The following LUZP2 variants were observed in gnomAD, a reference collection of about 807,000 sequenced individuals.
LUZP2 encodes leucine zipper protein 2.
In LUZP2, 52 loss-of-function variants were observed where a neutral mutation model predicts 51.6. The observed-to-expected ratio is 1.01, with a 90% confidence interval of 0.81 to 1.27. LUZP2 has a LOEUF of 1.27. Ranked by LOEUF, LUZP2 falls within the 50% of genes most tolerant of loss-of-function variation. The pLI, the probability that LUZP2 is intolerant of heterozygous loss-of-function variation, is 0.00. For missense variants in LUZP2, 436 were observed against 395.4 expected (o/e 1.10, Z -0.87); for synonymous variants, 154 against 137.3 (o/e 1.12, Z -0.85).
At chr11:24,546,960 TTGTTGGTGGTG>T (rs1851567177) in intron 1 of LUZP2, among the ~76,000 whole-genome samples, 2 of 61,950 alleles carry the variant, frequency 3.2e-5, no homozygotes, top group Non-Finnish European at 6.5e-5. Flanking sequence ...GTTGTTGTTG[TTGTTGGTGGTG>T]GTGGTGGTGG....
chr11:24,993,814 C>T (rs1459207024), intron 9 of LUZP2, among the ~76,000 whole-genome samples: 1 of 151,124 alleles, frequency 6.6e-6, no homozygotes, highest in Admixed American at 6.6e-5. Context: ...ACAGAAGACA[C>T]AAGTTTTTAA....
intron 6 of LUZP2, among the ~76,000 whole-genome samples, chr11:24,906,999 A>G (rs1393912505): frequency 6.6e-6 from 1 of 152,214 alleles, no homozygotes; most frequent in Non-Finnish European, 1.5e-5. Flanking sequence ...TTGTCTTTAA[A>G]TTATGGCATG....
At chr11:24,989,562 T>A (rs1856276545) in intron 9 of LUZP2, among the ~76,000 whole-genome samples, 1 of 152,122 alleles carries the variant, frequency 6.6e-6, no homozygotes. Flanking sequence ...CAGTATAGCT[T>A]GCTTCCTATG....
chr11:24,571,954 A>G, intron 1 of LUZP2, among the ~76,000 whole-genome samples: 1 of 152,006 alleles, frequency 6.6e-6, no homozygotes, highest in South Asian at 2.1e-4. Flanking sequence ...TTCTCTGTGA[A>G]ATTGTGCAAG....
At chr11:25,008,587 T>C (rs2133954366) in intron 9 of LUZP2, among the ~76,000 whole-genome samples, 1 of 152,178 alleles carries the variant, frequency 6.6e-6, no homozygotes, top group South Asian at 2.1e-4. Flanking sequence ...GCTCAGCAAG[T>C]GGGAGGGAGG....
At chr11:24,808,466 A>G (rs1404502363) in intron 5 of LUZP2, among the ~76,000 whole-genome samples, 2 of 152,312 alleles carry the variant, frequency 1.3e-5, no homozygotes, top group African/African-American at 2.4e-5. Context: ...TTCTCTGCCA[A>G]TCTGTAGAAT....
chr11:24,741,992 AATGTATATATT>A (rs1859189793), intron 4 of LUZP2, among the ~76,000 whole-genome samples: 3 of 114,004 alleles, frequency 2.6e-5, no homozygotes, highest in African/African-American at 9.7e-5. Flanking sequence ...ATTATATATA[AATGTATATATT>A]ATATATAAAT....
At chr11:24,662,384 AAAAT>A (rs1247234638) in intron 1 of LUZP2, among the ~76,000 whole-genome samples, 1 of 152,156 alleles carries the variant, frequency 6.6e-6, no homozygotes, top group African/African-American at 2.4e-5. Flanking sequence ...TATAGATTTC[AAAAT>A]AAATAGACTG....
At chr11:24,859,008 C>T (rs1486672) in intron 5 of LUZP2, among the ~76,000 whole-genome samples, 1 of 151,858 alleles carries the variant, frequency 6.6e-6, no homozygotes, top group Non-Finnish European at 1.5e-5. Context: ...ACCTCCACTC[C>T]AAGCCCACAA....
intron 5 of LUZP2, among the ~76,000 whole-genome samples, chr11:24,846,764 G>A (rs561087353): frequency 1.1e-4 from 16 of 151,928 alleles, no homozygotes; most frequent in Non-Finnish European, 1.6e-4. Flanking sequence ...ACAATAATCC[G>A]CAGTTATTTG....
rs568161975 is a variant in LUZP2, at chr11:25,053,830, TTGA to T, written c.858+3705_858+3707del. Among the ~76,000 whole-genome samples the T allele has an allele frequency of 8.5e-5, 13 of 152,288 alleles. 1 individual carries two copies. In the South Asian group the frequency reaches 2.5e-3, roughly 29 times the overall value. Reference sequence around the variant, plus strand: ...GCACCAAGATGTAGAATTGCTGGGTTTGATGATAAGTTTATGCTTATATTGAAA... The same window carrying T: ...GCACCAAGATGTAGAATTGCTGGGTTTGATAAGTTTATGCTTATATTGAAA... On this transcript the variant is annotated intron_variant, in intron 10 of 11. Transcript: ENST00000336930.
intron 5 of LUZP2, among the ~76,000 whole-genome samples, chr11:24,818,617 G>A (rs1850259760): frequency 1.3e-5 from 2 of 151,868 alleles, no homozygotes; most frequent in South Asian, 4.1e-4. Context: ...GAAAAATTAT[G>A]GGAAGTTTTA....
intron 9 of LUZP2, among the ~76,000 whole-genome samples, chr11:25,014,233 A>G (rs903328824): frequency 6.6e-6 from 1 of 152,194 alleles, no homozygotes; most frequent in Admixed American, 6.5e-5. Context: ...TCTTTATAGC[A>G]GCATGTTTTA....
chr11:24,783,788 C>G (rs1381209788), intron 5 of LUZP2, among the ~76,000 whole-genome samples: 1 of 151,912 alleles, frequency 6.6e-6, no homozygotes, highest in Non-Finnish European at 1.5e-5. Context: ...GGAAGGAGTA[C>G]TTATTTGTTC....
intron 1 of LUZP2, among the ~76,000 whole-genome samples, chr11:24,662,849 G>A (rs1027846728): frequency 6.6e-6 from 1 of 152,020 alleles, no homozygotes; most frequent in African/African-American, 2.4e-5. Context: ...TGAAGTATAT[G>A]CAGTGGCAAG....
rs540227816 is a variant in LUZP2 at position 24,801,267 on chromosome 11, G to C, written c.396+37959G>C. Among the ~76,000 whole-genome samples, 125 of 152,060 alleles carry C rather than the reference G, an allele frequency of 8.2e-4. 1 individual carries two copies. The highest frequency in any genetic ancestry group is 2.9e-3 in the African/African-American group (120 of 41,514). On this transcript the variant is annotated intron_variant, in intron 5 of 11. Transcript: ENST00000336930. Reference sequence around the variant, plus strand: ...GAGGGAATACCATCTCCCTTTTCCAGGAATCGATCTGCCTGCCTCTGCAAC... The same window carrying C: ...GAGGGAATACCATCTCCCTTTTCCACGAATCGATCTGCCTGCCTCTGCAAC...
chr11:24,600,174 AACACACACACACACAC>A (rs61439379), intron 1 of LUZP2, among the ~76,000 whole-genome samples: 2,630 of 144,270 alleles, frequency 0.018, 42 homozygotes, highest in Admixed American at 0.021. Context: ...TGTAGATTAC[AACACACACACACACAC>A]ACACACACAC....
intron 7 of LUZP2, among the ~76,000 whole-genome samples, chr11:24,939,077 T>C (rs996976885): frequency 1.3e-5 from 2 of 152,144 alleles, no homozygotes; most frequent in Non-Finnish European, 2.9e-5. Flanking sequence ...CTCTCTCTTT[T>C]TTTTTAATTT....
At chr11:24,640,210 T>C (rs1855233400) in intron 1 of LUZP2, among the ~76,000 whole-genome samples, 1 of 151,824 alleles carries the variant, frequency 6.6e-6, no homozygotes, top group Admixed American at 6.6e-5. Flanking sequence ...TTTTCGAAAG[T>C]AAATGTTCTA....
Sources: gnomAD v4.1 joint callset for allele counts (sites outside exome capture counted in the v4.1 genomes callset) on GRCh38, gnomAD v4.1.1 for gene constraint, MANE v1.5 for transcripts, NCBI Gene and HGNC (gene_info 2026-07-23, HGNC 2026-07-21) for gene names.